The following RASA3 variants were observed in gnomAD, a reference collection of about 807,000 sequenced individuals.
RASA3 encodes RAS p21 protein activator 3, also known as ras GTPase-activating protein 3.
In RASA3, 73 loss-of-function variants were observed where a neutral mutation model predicts 110.0. The observed-to-expected ratio is 0.66, with a 90% confidence interval of 0.55 to 0.81. The LOEUF is 0.81. Among genes scored for constraint, RASA3 ranks in the 30% least tolerant of loss-of-function variants. The pLI, the probability that RASA3 is intolerant of heterozygous loss-of-function variation, is 0.00. For synonymous variants in RASA3, 500 were observed against 451.4 expected (o/e 1.11, Z -1.37); for missense variants, 976 against 1,113.2 (o/e 0.88, Z 1.75).
At chr13:114,089,011 G>A (rs117384783) in intron 1 of RASA3, among the ~76,000 whole-genome samples, 2,159 of 152,176 alleles carry the variant, frequency 0.014, 137 homozygotes, top group Admixed American at 0.1. Flanking sequence ...AGCGGTGCAG[G>A]GACAGCCCCC....
At chr13:114,062,841 C>G (rs761513435) in intron 2 of RASA3, among the ~76,000 whole-genome samples, 1 of 152,240 alleles carries the variant, frequency 6.6e-6, no homozygotes, top group South Asian at 2.1e-4. Context: ...AGAGGAAGGA[C>G]GCCTGGACCC....
At chr13:113,999,415 G>C (rs562205301) in intron 20 of RASA3, among the ~76,000 whole-genome samples, 170 bp downstream of exon 20, 3 of 151,944 alleles carry the variant, frequency 2.0e-5, no homozygotes, top group Non-Finnish European at 4.4e-5. Context: ...GCGAGATTCC[G>C]ACACAAACTC....
intron 23 of RASA3, among the ~76,000 whole-genome samples, chr13:113,981,225 G>A (rs181445111): frequency 9.5e-4 from 145 of 152,288 alleles, no homozygotes; most frequent in African/African-American, 3.4e-3. Context: ...TAAGCTGAAC[G>A]TACTCAACCT....
chr13:114,077,946 C>T (rs890920630), intron 1 of RASA3: 18 of 985,002 alleles, frequency 1.8e-5, no homozygotes, highest in Middle Eastern at 5.2e-4. Flanking sequence ...GCCATCACCT[C>T]CAAGGCACTG....
chr13:114,012,240 A>G (rs563398219), intron 15 of RASA3, among the ~76,000 whole-genome samples: 1 of 152,026 alleles, frequency 6.6e-6, no homozygotes, highest in Non-Finnish European at 1.5e-5. Flanking sequence ...CTCCCCCAGA[A>G]CGTACACAGC....
In RASA3 at chr13:114,019,030, T is replaced by C. The variant is rs149874319; in HGVS notation, c.786-111A>G. 7.3e-5 allele frequency: 100 copies of C among 1,366,120 alleles called. No individual in the cohort carries two copies. The African/African-American group carries it at 1.3e-3, about 18-fold the overall frequency. The allele number at this position is 1,366,120 out of a possible 1,614,324, so 84.6% of individuals were successfully genotyped here. The stretch of plus-strand genomic sequence containing the variant: ...GGTCGACTGGTCAGGAGGGTGATCC[T>C]GTAGGACCCCTCAGAGTGCAGCCCC... On this transcript the variant is annotated intron_variant, in intron 9 of 23. Coordinates refer to ENST00000334062, the MANE Select transcript of RASA3 (RefSeq NM_007368.4).
chr13:114,017,282 C>T lies in RASA3; in HGVS notation c.1161G>A (p.Ala387=), dbSNP rs767203061. The T allele has an allele frequency of 2.1e-5, 34 of 1,613,784 alleles. No homozygotes were observed. The highest frequency in any genetic ancestry group is 5.0e-5 in the Admixed American group (3 of 60,014). Residue 387 remains alanine (A), a synonymous_variant, in exon 12 of 24, where the codon GCG becomes GCA. Coordinates refer to ENST00000334062, the MANE Select transcript of RASA3 (RefSeq NM_007368.4). ...GGGTGACATGCAGGTAATGCATCCC[C>T]GCCAGCTTCATGGTCTCGTCGATGC... ...SKCIDETMKL[A]GMHYLHVTLK... is the part of the protein sequence containing the mutation.
chr13:114,046,791 A>G (rs2079060354), intron 3 of RASA3, among the ~76,000 whole-genome samples: 1 of 152,238 alleles, frequency 6.6e-6, no homozygotes, highest in African/African-American at 2.4e-5. Flanking sequence ...CACACAATGC[A>G]GCCAACTAAG....
At chr13:114,040,003 G>A (rs969128349) in intron 4 of RASA3, among the ~76,000 whole-genome samples, 1 of 152,244 alleles carries the variant, frequency 6.6e-6, no homozygotes, top group Non-Finnish European at 1.5e-5. Flanking sequence ...CCAACCGTGG[G>A]GAAGTGAGGG....
chr13:114,031,986 G>A (rs2054178495), intron 4 of RASA3, among the ~76,000 whole-genome samples: 1 of 152,158 alleles, frequency 6.6e-6, no homozygotes, highest in Non-Finnish European at 1.5e-5. Flanking sequence ...AAACCTTCGA[G>A]TTCCTTCAAA....
chr13:113,979,897 T>A (rs915275115), intron 23 of RASA3, among the ~76,000 whole-genome samples: 3 of 151,064 alleles, frequency 2.0e-5, no homozygotes, highest in Non-Finnish European at 3.0e-5. Context: ...TACCTCCATG[T>A]GTGTGCACCT....
chr13:113,980,164 C>G (rs1566436649), intron 23 of RASA3, among the ~76,000 whole-genome samples: 2 of 147,438 alleles, frequency 1.4e-5, no homozygotes, highest in Non-Finnish European at 3.0e-5. Context: ...CACACCTCCT[C>G]CCACGTGTGT....
At chr13:114,027,974 G>T in intron 5 of RASA3, 47 bp from the exon 6 acceptor site, 1 of 1,515,540 alleles carries the variant, frequency 6.6e-7, no homozygotes, top group Non-Finnish European at 9.1e-7. Context: ...GCAGACACCT[G>T]GGCGAATGGC....
intron 18 of RASA3, among the ~76,000 whole-genome samples, chr13:114,004,043 A>G (rs1394929919): frequency 6.6e-6 from 1 of 152,274 alleles, no homozygotes; most frequent in African/African-American, 2.4e-5. Context: ...CATTTCTAAC[A>G]TGAAATGTGT....
rs963170230 is a variant in RASA3 at position 114,096,323 on chromosome 13, G to A, written c.56-22486C>T. 6.6e-6 allele frequency among the ~76,000 whole-genome samples: 1 copy of A among 152,194 alleles called. No individual in the cohort carries two copies. On this transcript the variant is annotated intron_variant, in intron 1 of 23. Transcript: ENST00000334062. The surrounding 1 kb of genome is among the most constrained non-coding windows in gnomAD (Gnocchi z 5.1). ...TGCTCACCGACCCATGCCTCCTCTAGCAAATCGCCTCTCTCACAGTCACCT... is the reference window on the plus strand; with the variant it reads ...TGCTCACCGACCCATGCCTCCTCTAACAAATCGCCTCTCTCACAGTCACCT...
chr13:114,005,486 A>T (rs994587254), intron 18 of RASA3, among the ~76,000 whole-genome samples: 31 of 147,650 alleles, frequency 2.1e-4, no homozygotes, highest in Non-Finnish European at 3.2e-4. Flanking sequence ...GTCACCGAGA[A>T]GGTGGCAGAG....
chr13:114,042,101 C>T (rs1300677877), intron 3 of RASA3, among the ~76,000 whole-genome samples: 10 of 152,252 alleles, frequency 6.6e-5, no homozygotes, highest in African/African-American at 2.2e-4. Flanking sequence ...TGTGTAAATT[C>T]GCATCTGCAA....
Position 114,011,035 on chromosome 13 carries a change from G to A in RASA3, c.1590+136C>T. 2.4e-6 allele frequency: 2 copies of A among 825,456 alleles called. No homozygotes were observed. The highest frequency in any genetic ancestry group is 4.0e-6 in the Non-Finnish European group (2 of 505,084). 51.1% of individuals were successfully genotyped at this position (825,456 alleles called of 1,614,324 possible). On this transcript the variant is annotated intron_variant, in intron 16 of 23. Transcript: ENST00000334062. The surrounding 1 kb of genome is among the most constrained non-coding windows in gnomAD (Gnocchi z 4.8). Reference sequence around the variant, plus strand: ...CGCTCAGGTCCTGGGTTTCAAGAGAGGATGTGGTGCCGGCTTTGATTCTTG... The same window carrying A: ...CGCTCAGGTCCTGGGTTTCAAGAGAAGATGTGGTGCCGGCTTTGATTCTTG...
chr13:113,996,836 G>GT, intron 20 of RASA3, 97 bp from the exon 21 acceptor site: 1 of 1,115,942 alleles, frequency 9.0e-7, no homozygotes, highest in Non-Finnish European at 1.3e-6. Flanking sequence ...CGCCGGAGTC[G>GT]TAAGAGGGGA....
Sources: allele counts gnomAD v4.1 joint callset (sites outside exome capture counted in the v4.1 genomes callset), GRCh38; gene constraint gnomAD v4.1.1; non-coding constraint Gnocchi (gnomAD v3.1); transcripts MANE v1.5; gene names NCBI Gene and HGNC (gene_info 2026-07-23, HGNC 2026-07-21).